PCGF3: variants seen among roughly 807,000 people sequenced by gnomAD.
The protein encoded by PCGF3 is polycomb group ring finger 3, also known as polycomb group RING finger protein 3.
Under a neutral mutation model 33.1 loss-of-function variants are expected in PCGF3, and 7 were observed. The ratio of observed to expected loss-of-function variants is 0.21; its 90% CI spans 0.12 to 0.40. The LOEUF (loss-of-function observed/expected upper bound fraction) is 0.40. Among genes scored for constraint, PCGF3 ranks in the 10% least tolerant of loss-of-function variants. The pLI is 1.00. For missense variants in PCGF3, 211 were observed against 313.3 expected (o/e 0.67, Z 2.46); for synonymous variants, 153 against 121.3 (o/e 1.26, Z -1.72).
At chr4:761,526 T>G in intron 9 of PCGF3, 110 bp downstream of exon 9, 1 of 1,433,792 alleles carries the variant, frequency 7.0e-7, no homozygotes, top group South Asian at 1.4e-5. Flanking sequence ...TTTGGAGATT[T>G]TAACCAGAAA....
At chr4:768,753 T>G (rs766399921) in exon 11 of PCGF3, 8 of 151,926 alleles carry the variant, frequency 5.3e-5, no homozygotes, top group Non-Finnish European at 1.2e-4. Flanking sequence ...CCCATCCAAT[T>G]GTTTGGTTTC....
chr4:741,016 G>A (rs1744066975), intron 6 of PCGF3, among the ~76,000 whole-genome samples: 1 of 152,206 alleles, frequency 6.6e-6, no homozygotes, highest in Non-Finnish European at 1.5e-5. Flanking sequence ...GTGAACTCTG[G>A]ATTATTTTGT....
intron 8 of PCGF3, among the ~76,000 whole-genome samples, chr4:758,076 C>T (rs1219706028): frequency 2.8e-5 from 4 of 142,622 alleles, no homozygotes; most frequent in South Asian, 2.2e-4. Flanking sequence ...GCTGAGGCAG[C>T]GGAATCGCTT....
intron 8 of PCGF3, 91 bp downstream of exon 8, chr4:744,779 T>TGCTCGCCGTGGAGGCGTGA: frequency 5.2e-6 from 1 of 192,026 alleles, no homozygotes; most frequent in Non-Finnish European, 9.5e-6. Context: ...GCAGTGTTAG[T>TGCTCGCCGTGGAGGCGTGA]GTTCGCCGTG....
rs868847585 is a variant in PCGF3, at chr4:720,732, G to A, written c.-189-9898G>A. On this transcript the variant is annotated intron_variant, in intron 1 of 10. Transcript: ENST00000362003. The surrounding 1 kb of genome is among the most constrained non-coding windows in gnomAD (Gnocchi z 5.6). ...CCGGCGTGGACGGGCGGTGACGTGC[G>A]TGTGGACCCGGCGTGGACGCAGCCC... Among the ~76,000 whole-genome samples, 3 of 150,762 alleles carry A rather than the reference G, an allele frequency of 2.0e-5. No homozygotes were observed. The highest frequency in any genetic ancestry group is 2.0e-4 in the East Asian group (1 of 5,084).
exon 11 of PCGF3, chr4:766,970 G>A (rs551647719): frequency 2.6e-5 from 4 of 152,372 alleles, no homozygotes; most frequent in East Asian, 3.8e-4. Context: ...AGGTGGTGGT[G>A]GTTAGGATCA....
intron 1 of PCGF3, among the ~76,000 whole-genome samples, chr4:727,233 C>CTT (rs57690550): frequency 0.018 from 1,100 of 61,772 alleles, 27 homozygotes; most frequent in African/African-American, 0.026. Flanking sequence ...TAGCGAGCGT[C>CTT]TTTTTTTTTT....
In PCGF3 at chr4:735,571, A is replaced by G. The variant is rs10012936; in HGVS notation, c.206+544A>G. 5.9e-3 allele frequency among the ~76,000 whole-genome samples: 893 copies of G among 152,308 alleles called. 9 individuals are homozygous for G. Among genetic ancestry groups the G allele is most frequent in the African/African-American group, 0.021 (853 of 41,566 alleles). On this transcript the variant is annotated intron_variant, in intron 5 of 10. Transcript: ENST00000362003. Reference sequence around the variant, plus strand: ...AAGAGAAAGAAAAAATACTTAGTCAAGTTAAATTGTTGGAGAGCCCTCAAG... The same window carrying G: ...AAGAGAAAGAAAAAATACTTAGTCAGGTTAAATTGTTGGAGAGCCCTCAAG...
intron 8 of PCGF3, among the ~76,000 whole-genome samples, chr4:760,902 C>T (rs1468682966): frequency 1.3e-5 from 2 of 152,252 alleles, no homozygotes; most frequent in Admixed American, 1.3e-4. Flanking sequence ...GCTGCTGTCT[C>T]CCCGAGTGCA....
intron 3 of PCGF3, 96 bp downstream of exon 3, chr4:731,206 C>G (rs1463270874): frequency 5.0e-6 from 2 of 398,282 alleles, no homozygotes; most frequent in Non-Finnish European, 4.4e-6. Context: ...TAGGAGCCAG[C>G]TGGTCAGGAC....
At chr4:767,000 G>C (rs901619288) in exon 11 of PCGF3, 5 of 152,398 alleles carry the variant, frequency 3.3e-5, no homozygotes, top group African/African-American at 9.6e-5. Context: ...TGGCATCCGT[G>C]GGGAGGATTT....
At chr4:749,564 G>C (rs1187944144) in intron 8 of PCGF3, among the ~76,000 whole-genome samples, 1 of 132,654 alleles carries the variant, frequency 7.5e-6, no homozygotes, top group East Asian at 2.3e-4. Context: ...TTGGCTCACT[G>C]CAACCTCTGC....
At chr4:711,443 C>CTTTTTTTTTTTTTTTTTTTTTTTT (rs201359627) in intron 1 of PCGF3, among the ~76,000 whole-genome samples, 1 of 122,940 alleles carries the variant, frequency 8.1e-6, no homozygotes, top group African/African-American at 2.8e-5. Flanking sequence ...TGTAATTTTT[C>CTTTTTTTTTTTTTTTTTTTTTTTT]TTTTTTTTTT....
intron 5 of PCGF3, among the ~76,000 whole-genome samples, chr4:735,542 C>T (rs1048203797): frequency 1.3e-5 from 2 of 152,202 alleles, no homozygotes; most frequent in Non-Finnish European, 2.9e-5. Context: ...GAGACTCTGT[C>T]TCAAAGAGAA....
chr4:752,483 T>C (rs527283594), intron 8 of PCGF3, among the ~76,000 whole-genome samples: 154 of 152,318 alleles, frequency 1.0e-3, no homozygotes, highest in African/African-American at 3.6e-3. Context: ...GCTGTTCCGC[T>C]CTTTTCCCCC....
chr4:725,378 A>G (rs555827183), intron 1 of PCGF3: 1 of 155,006 alleles, frequency 6.5e-6, no homozygotes, highest in African/African-American at 2.4e-5. Context: ...GAAGTTGTGG[A>G]CTAGACGTGG....
At chr4:706,307 G>T (rs540679889) in intron 1 of PCGF3, among the ~76,000 whole-genome samples, 2 of 142,944 alleles carry the variant, frequency 1.4e-5, no homozygotes, top group African/African-American at 5.0e-5. Context: ...GAAGACCCCA[G>T]CCCAGGCAGG....
intron 8 of PCGF3, among the ~76,000 whole-genome samples, chr4:758,627 G>T (rs866220976): frequency 7.4e-5 from 8 of 108,794 alleles, no homozygotes; most frequent in East Asian, 2.7e-4. Flanking sequence ...CTTTCTCCCC[G>T]CGCGGCCCCT....
chr4:718,237 A>T (rs1742937704), intron 1 of PCGF3, among the ~76,000 whole-genome samples: 1 of 151,994 alleles, frequency 6.6e-6, no homozygotes, highest in African/African-American at 2.4e-5. Flanking sequence ...CTGGAGAGGA[A>T]ACGTGGAGTC....
Sources: gnomAD v4.1 joint callset for allele counts (sites outside exome capture counted in the v4.1 genomes callset) on GRCh38, gnomAD v4.1.1 for gene constraint, Gnocchi (gnomAD v3.1) non-coding constraint, MANE v1.5 for transcripts, NCBI Gene and HGNC (gene_info 2026-07-23, HGNC 2026-07-21) for gene names.